ADIPOR2: variants seen among roughly 807,000 people sequenced by gnomAD.
ADIPOR2 encodes the protein adiponectin receptor protein 2.
A neutral mutation model predicts 40.9 loss-of-function variants in ADIPOR2; 18 were observed. The ratio of observed to expected loss-of-function variants is 0.44; its 90% CI spans 0.30 to 0.65. The LOEUF is 0.65. Among genes scored for constraint, ADIPOR2 ranks in the 30% least tolerant of loss-of-function variants. The pLI, the probability that ADIPOR2 is intolerant of heterozygous loss-of-function variation, is 0.09. For missense variants in ADIPOR2, 283 were observed against 479.2 expected (o/e 0.59, Z 3.82); for synonymous variants, 165 against 166.4 (o/e 0.99, Z 0.06).
chr12:1,744,807 A>G (rs1281937294), intron 1 of ADIPOR2, among the ~76,000 whole-genome samples: 2 of 152,252 alleles, frequency 1.3e-5, no homozygotes, highest in Non-Finnish European at 2.9e-5. Context: ...ATGGAATTAA[A>G]AGATAAAAAT....
At chr12:1,773,741 A>G (rs959015669) in intron 3 of ADIPOR2, among the ~76,000 whole-genome samples, 1 of 152,130 alleles carries the variant, frequency 6.6e-6, no homozygotes, top group African/African-American at 2.4e-5. Context: ...TTAGAGAGAA[A>G]TTTTTGTGAC....
intron 1 of ADIPOR2, among the ~76,000 whole-genome samples, chr12:1,733,465 CTTAA>C (rs1407749682): frequency 6.6e-6 from 1 of 152,078 alleles, no homozygotes; most frequent in Non-Finnish European, 1.5e-5. Flanking sequence ...CTTTATTTTT[CTTAA>C]TTATCAGTAC....
intron 1 of ADIPOR2, among the ~76,000 whole-genome samples, chr12:1,751,968 C>T (rs1228881872): frequency 1.3e-5 from 2 of 150,934 alleles, no homozygotes; most frequent in South Asian, 2.1e-4. Flanking sequence ...AGTGCAGTGG[C>T]ATGATCTCGG....
At chr12:1,712,725 C>T (rs1040399384) in intron 1 of ADIPOR2, among the ~76,000 whole-genome samples, 1 of 152,118 alleles carries the variant, frequency 6.6e-6, no homozygotes, top group Non-Finnish European at 1.5e-5. Context: ...GCCTGGCCAT[C>T]TTGCTGTATC....
chr12:1,695,655 C>A, intron 1 of ADIPOR2, among the ~76,000 whole-genome samples: 1 of 130,614 alleles, frequency 7.7e-6, no homozygotes. Flanking sequence ...AGGAGCAAAA[C>A]TCCATCTCAA....
At chr12:1,755,668 A>G (rs1862109779) in intron 2 of ADIPOR2, among the ~76,000 whole-genome samples, 1 of 152,254 alleles carries the variant, frequency 6.6e-6, no homozygotes, top group South Asian at 2.1e-4. Context: ...AGTATCAGAA[A>G]GTCATTGTTA....
rs538224414 is a variant in ADIPOR2, at chr12:1,736,838, A to G, written c.-86-17420A>G. On this transcript the variant is annotated intron_variant, in intron 1 of 7. Transcript: ENST00000357103. ...TCTTTGTTCTCATTGGTTTCAAAAA[A>G]CATCTTTATTTCTGCCTTCATTTCG... Among the ~76,000 whole-genome samples the G allele has an allele frequency of 7.9e-5, 12 of 152,348 alleles. No homozygotes were observed. The East Asian group carries it at 2.3e-3, about 29-fold the overall frequency.
At chr12:1,773,152 C>T (rs935952241) in intron 3 of ADIPOR2, among the ~76,000 whole-genome samples, 191 bp downstream of exon 3, 34 of 152,104 alleles carry the variant, frequency 2.2e-4, no homozygotes, top group Admixed American at 1.4e-3. Context: ...TTGTAGTAGC[C>T]ATGATAAAGC....
At chr12:1,719,062 G>A (rs991676111) in intron 1 of ADIPOR2, among the ~76,000 whole-genome samples, 80 of 152,130 alleles carry the variant, frequency 5.3e-4, no homozygotes, top group Non-Finnish European at 7.6e-4. Flanking sequence ...TCTAGGTGTT[G>A]CTCCTTCTCA....
At chr12:1,733,659 A>T (rs760204891) in intron 1 of ADIPOR2, among the ~76,000 whole-genome samples, 3 of 152,074 alleles carry the variant, frequency 2.0e-5, no homozygotes, top group Non-Finnish European at 2.9e-5. Context: ...CACAACATGC[A>T]GGTTTGTTAC....
chr12:1,721,481 G>A (rs1190862032), intron 1 of ADIPOR2, among the ~76,000 whole-genome samples: 3 of 152,156 alleles, frequency 2.0e-5, no homozygotes, highest in Non-Finnish European at 4.4e-5. Flanking sequence ...CTGCCACAGT[G>A]CTGGGATTAC....
chr12:1,728,634 G>C (rs1436480003), intron 1 of ADIPOR2, among the ~76,000 whole-genome samples: 1 of 151,940 alleles, frequency 6.6e-6, no homozygotes, highest in Non-Finnish European at 1.5e-5. Context: ...TGAAGCAGGA[G>C]AATTGCTTGA....
At chr12:1,737,429 A>C (rs2094733236) in intron 1 of ADIPOR2, among the ~76,000 whole-genome samples, 1 of 152,086 alleles carries the variant, frequency 6.6e-6, no homozygotes, top group African/African-American at 2.4e-5. Context: ...TTTCAAATTA[A>C]GTCATTTCCC....
At chr12:1,746,485 CAAAAACA>C (rs573278225) in intron 1 of ADIPOR2, among the ~76,000 whole-genome samples, 221 of 150,950 alleles carry the variant, frequency 1.5e-3, no homozygotes, top group African/African-American at 4.3e-3. Flanking sequence ...AAGACTGCCT[CAAAAACA>C]AAAAACAAAA....
chr12:1,695,072 C>T (rs1204174430), intron 1 of ADIPOR2, among the ~76,000 whole-genome samples: 1 of 147,816 alleles, frequency 6.8e-6, no homozygotes, highest in Non-Finnish European at 1.5e-5. Flanking sequence ...GGCTGGAGTG[C>T]ACTGGTGCCG....
At chr12:1,777,171 G>A (rs908138998) in intron 3 of ADIPOR2, among the ~76,000 whole-genome samples, 2 of 151,352 alleles carry the variant, frequency 1.3e-5, no homozygotes, top group South Asian at 2.1e-4. Context: ...ATATAAAAAT[G>A]TTCATATTAA....
At chr12:1,716,876 A>AT (rs558811138) in intron 1 of ADIPOR2, among the ~76,000 whole-genome samples, 1 of 152,150 alleles carries the variant, frequency 6.6e-6, no homozygotes, top group African/African-American at 2.4e-5. Flanking sequence ...AACTTATTTG[A>AT]TTTTTTGCCA....
At chr12:1,695,902 A>G (rs1456374899) in intron 1 of ADIPOR2, 1 of 151,810 alleles carries the variant, frequency 6.6e-6, no homozygotes, top group Non-Finnish European at 1.5e-5. Context: ...GCTTTTCCCC[A>G]AAGGAATGCT....
At chr12:1,733,370 A>G (rs1428106327) in intron 1 of ADIPOR2, among the ~76,000 whole-genome samples, 1 of 152,148 alleles carries the variant, frequency 6.6e-6, no homozygotes, top group African/African-American at 2.4e-5. Flanking sequence ...TCCCTTATAT[A>G]TAGGTGGAGA....
Sources: allele counts gnomAD v4.1 joint callset (sites outside exome capture counted in the v4.1 genomes callset), GRCh38; gene constraint gnomAD v4.1.1; transcripts MANE v1.5; gene names NCBI Gene and HGNC (gene_info 2026-07-23, HGNC 2026-07-21).